Variants in SGCZ observed in about 807,000 individuals in gnomAD.
SGCZ encodes the protein sarcoglycan zeta.
A neutral mutation model predicts 41.3 loss-of-function variants in SGCZ; 40 were observed. The observed-to-expected ratio is 0.97, with a 90% confidence interval of 0.75 to 1.26. The LOEUF (loss-of-function observed/expected upper bound fraction) is 1.26, where lower values mean the gene tolerates loss of function less well. Among genes scored for constraint, SGCZ ranks in the 50% most tolerant of loss-of-function variants. The probability of loss-of-function intolerance (pLI) is 0.00; values close to 1 mark genes in which losing one functional copy is unlikely to be tolerated. For missense variants in SGCZ, 552 were observed against 369.8 expected (o/e 1.49, Z -4.04); for synonymous variants, 206 against 137.5 (o/e 1.50, Z -3.49).
chr8:14,495,034 A>G (rs1801950875), intron 2 of SGCZ, among the ~76,000 whole-genome samples: 1 of 152,168 alleles, frequency 6.6e-6, no homozygotes, highest in Non-Finnish European at 1.5e-5. Flanking sequence ...TGGAGCTCCC[A>G]TTCTGAACAT....
At chr8:14,096,399 G>T (rs889493832) in intron 7 of SGCZ, among the ~76,000 whole-genome samples, 37 of 152,028 alleles carry the variant, frequency 2.4e-4, no homozygotes, top group African/African-American at 8.9e-4. Context: ...GTGATTGATT[G>T]ATTACATATA....
chr8:14,770,492 T>A (rs1292011935), intron 1 of SGCZ, among the ~76,000 whole-genome samples: 1 of 151,800 alleles, frequency 6.6e-6, no homozygotes, highest in African/African-American at 2.4e-5. Flanking sequence ...GAAACTGAAA[T>A]ATTATAAACT....
chr8:14,476,786 T>C (rs1396881170), intron 2 of SGCZ, among the ~76,000 whole-genome samples: 2 of 152,140 alleles, frequency 1.3e-5, no homozygotes, highest in Non-Finnish European at 1.5e-5. Context: ...AGAACTAAAA[T>C]CCACTACGGT....
At chr8:14,446,872 C>T (rs770785688) in intron 2 of SGCZ, among the ~76,000 whole-genome samples, 23 of 152,082 alleles carry the variant, frequency 1.5e-4, no homozygotes, top group Admixed American at 6.5e-4. Context: ...TAAAAGATCA[C>T]GAGGAGATTA....
chr8:15,160,443 G>A (rs576553098), intron 1 of SGCZ, among the ~76,000 whole-genome samples: 1 of 152,276 alleles, frequency 6.6e-6, no homozygotes, highest in Admixed American at 6.5e-5. Flanking sequence ...ACGCTGCTAT[G>A]AACAGACGTG....
At chr8:14,103,559 C>G (rs982660161) in intron 6 of SGCZ, among the ~76,000 whole-genome samples, 2 of 152,102 alleles carry the variant, frequency 1.3e-5, no homozygotes, top group Non-Finnish European at 2.9e-5. Flanking sequence ...GAGTTCAGCT[C>G]CCTCTCAGCA....
chr8:14,960,916 T>C (rs1365112247), intron 1 of SGCZ, among the ~76,000 whole-genome samples: 10 of 143,636 alleles, frequency 7.0e-5, no homozygotes, highest in African/African-American at 1.9e-4. Context: ...ATTATCTTTC[T>C]ACTGCAAGGA....
intron 1 of SGCZ, among the ~76,000 whole-genome samples, chr8:14,911,833 T>C (rs1799288465): frequency 6.6e-6 from 1 of 151,902 alleles, no homozygotes; most frequent in African/African-American, 2.4e-5. Flanking sequence ...ACACATCTTA[T>C]CTCTACATGG....
chr8:14,231,273 G>C (rs929920150), intron 4 of SGCZ, among the ~76,000 whole-genome samples: 1 of 151,518 alleles, frequency 6.6e-6, no homozygotes, highest in African/African-American at 2.4e-5. Context: ...GAGAGACAGA[G>C]ACAGAGAGAG....
chr8:14,225,809 G>A (rs1806352705), intron 4 of SGCZ, among the ~76,000 whole-genome samples: 1 of 152,074 alleles, frequency 6.6e-6, no homozygotes, highest in South Asian at 2.1e-4. Flanking sequence ...GATTGAAAAT[G>A]AAATGAGACT....
rs11203592 is a variant in SGCZ at position 14,290,479 on chromosome 8, C to T, written c.336+33624G>A. On this transcript the variant is annotated intron_variant, in intron 3 of 7. Coordinates refer to ENST00000382080, the MANE Select transcript of SGCZ (RefSeq NM_139167.4). Reference sequence around the variant, plus strand: ...ATCCAAAATATATAAGAAACTCAAACAACTCAATAACAACAAAATAATGAC... The same window carrying T: ...ATCCAAAATATATAAGAAACTCAAATAACTCAATAACAACAAAATAATGAC... 3.9e-4 allele frequency among the ~76,000 whole-genome samples: 60 copies of T among 152,008 alleles called. 1 individual carries two copies. In the East Asian group the frequency reaches 0.011, roughly 29 times the overall value.
intron 2 of SGCZ, among the ~76,000 whole-genome samples, chr8:14,356,483 A>C (rs1200037069): frequency 6.6e-6 from 1 of 152,188 alleles, no homozygotes; most frequent in African/African-American, 2.4e-5. Context: ...TGAGGAAGAA[A>C]TAATAAATCT....
chr8:14,372,612 C>T (rs1355176759), intron 2 of SGCZ, among the ~76,000 whole-genome samples: 2 of 152,062 alleles, frequency 1.3e-5, no homozygotes, highest in African/African-American at 2.4e-5. Flanking sequence ...TAGGAGCAGC[C>T]TCACTGAATA....
intron 1 of SGCZ, among the ~76,000 whole-genome samples, chr8:15,097,396 C>T (rs1195350306): frequency 6.6e-6 from 1 of 151,944 alleles, no homozygotes; most frequent in Non-Finnish European, 1.5e-5. Flanking sequence ...GCTGAGGCAA[C>T]CGCAACTATA....
chr8:14,863,220 G>A (rs929185324), intron 1 of SGCZ, among the ~76,000 whole-genome samples: 3 of 152,158 alleles, frequency 2.0e-5, no homozygotes, highest in Non-Finnish European at 4.4e-5. Context: ...CGTACTGATA[G>A]CCTTGCAGCT....
At chr8:14,778,074 C>G (rs13254405) in intron 1 of SGCZ, among the ~76,000 whole-genome samples, 1 of 151,972 alleles carries the variant, frequency 6.6e-6, no homozygotes, top group Non-Finnish European at 1.5e-5. Flanking sequence ...TAGGCATGCA[C>G]CATCATGCCT....
chr8:15,209,472 T>C (rs1443935134), intron 1 of SGCZ, among the ~76,000 whole-genome samples: 2 of 43,668 alleles, frequency 4.6e-5, no homozygotes, highest in Admixed American at 3.5e-4. Flanking sequence ...GTCAGCATAA[T>C]AGTAAAAAAA....
intron 3 of SGCZ, among the ~76,000 whole-genome samples, chr8:14,323,153 T>A (rs963590363): frequency 1.3e-5 from 2 of 152,088 alleles, no homozygotes; most frequent in Admixed American, 1.3e-4. Flanking sequence ...AATATCCTAA[T>A]TAAATGTTTT....
intron 1 of SGCZ, among the ~76,000 whole-genome samples, chr8:14,595,302 C>G (rs1003777201): frequency 6.6e-6 from 1 of 151,942 alleles, no homozygotes; most frequent in Non-Finnish European, 1.5e-5. Flanking sequence ...TCCTCAATGT[C>G]AAGATGCACC....
Sources: gnomAD v4.1 joint callset for allele counts (sites outside exome capture counted in the v4.1 genomes callset) on GRCh38, gnomAD v4.1.1 for gene constraint, MANE v1.5 for transcripts, NCBI Gene and HGNC (gene_info 2026-07-23, HGNC 2026-07-21) for gene names.